The following PLCZ1 variants were observed in gnomAD, a reference collection of about 807,000 sequenced individuals.
The protein encoded by PLCZ1 is 1-phosphatidylinositol 4,5-bisphosphate phosphodiesterase zeta-1.
PLCZ1 carries 64 observed loss-of-function variants against 76.8 expected under a neutral mutation model. The observed-to-expected ratio is 0.83, with a 90% CI of 0.68 to 1.03. The LOEUF (loss-of-function observed/expected upper bound fraction) is 1.03. PLCZ1 is among the 50% of genes least tolerant of loss of function. PLCZ1 has a pLI of 0.00. For synonymous variants in PLCZ1, 248 were observed against 230.8 expected (o/e 1.07, Z -0.68); for missense variants, 751 against 713.7 (o/e 1.05, Z -0.60).
downstream of PLCZ1, among the ~76,000 whole-genome samples, chr12:18,682,840 C>T (rs7958579): frequency 9.8e-3 from 1,493 of 152,068 alleles, 32 homozygotes; most frequent in African/African-American, 0.034. Flanking sequence ...CACAAAAATA[C>T]GCAGTAGTGG....
chr12:18,646,650 G>A, the PLCZ1 span, among the ~76,000 whole-genome samples: 1 of 152,136 alleles, frequency 6.6e-6, no homozygotes, highest in Non-Finnish European at 1.5e-5. Flanking sequence ...GGCATATATT[G>A]AGAAAGTTTC....
the PLCZ1 span, among the ~76,000 whole-genome samples, chr12:18,667,815 C>T: frequency 1.3e-5 from 2 of 152,166 alleles, no homozygotes; most frequent in African/African-American, 4.8e-5. Context: ...TCTGGCTTGA[C>T]TTCAAACTCC....
chr12:18,706,154 A>T (rs2137326712), intron 6 of PLCZ1, among the ~76,000 whole-genome samples: 1 of 149,056 alleles, frequency 6.7e-6, no homozygotes, highest in Non-Finnish European at 1.5e-5. Flanking sequence ...AATTGCTTGA[A>T]CCGGGAGGTG....
chr12:18,689,326 T>A (rs1311866147), intron 12 of PLCZ1, among the ~76,000 whole-genome samples: 1 of 152,074 alleles, frequency 6.6e-6, no homozygotes, highest in Non-Finnish European at 1.5e-5. Flanking sequence ...ATATGAAAAC[T>A]GAATGAGAAT....
Position 18,732,567 on chromosome 12 carries a change from G to A in PLCZ1, c.135+3654C>T, listed in dbSNP as rs150014042. Among the ~76,000 whole-genome samples the A allele has an allele frequency of 2.9e-3, 449 of 152,234 alleles. 5 individuals carry two copies. Among genetic ancestry groups the A allele is most frequent in the African/African-American group, 9.9e-3 (412 of 41,534 alleles). Reference sequence around the variant, plus strand: ...CGGGTACTATGCTGTTCAGTAGCTCGCTGGGACTTATTTGTGCCGTATAAC... The same window carrying A: ...CGGGTACTATGCTGTTCAGTAGCTCACTGGGACTTATTTGTGCCGTATAAC... On this transcript the variant is annotated intron_variant, in intron 3 of 14. Transcript: ENST00000266505.
intron 14 of PLCZ1, chr12:18,683,570 T>C (rs1253796051): frequency 6.8e-7 from 1 of 1,474,268 alleles, no homozygotes; most frequent in Admixed American, 2.0e-5. Flanking sequence ...CGCTGCATGA[T>C]CCAAAATTAG....
intron 6 of PLCZ1, 40 bp downstream of exon 6, chr12:18,712,802 C>G (rs1158460425): frequency 6.2e-7 from 1 of 1,601,586 alleles, no homozygotes; most frequent in Non-Finnish European, 8.6e-7. Context: ...AGAATTGCTT[C>G]TGTTTAAATA....
chr12:18,711,399 G>C (rs1413064229), intron 6 of PLCZ1, among the ~76,000 whole-genome samples: 8 of 101,542 alleles, frequency 7.9e-5, no homozygotes, highest in Non-Finnish European at 1.1e-4. Context: ...TGGGGGGAGG[G>C]GGGAGGGATA....
chr12:18,716,709 A>T (rs574690380), intron 5 of PLCZ1, among the ~76,000 whole-genome samples: 6 of 152,186 alleles, frequency 3.9e-5, no homozygotes, highest in African/African-American at 1.4e-4. Context: ...ACTTTATTTC[A>T]TCTATTTATC....
intron 5 of PLCZ1, among the ~76,000 whole-genome samples, chr12:18,714,346 G>C (rs1369292197): frequency 6.6e-6 from 1 of 152,176 alleles, no homozygotes; most frequent in Non-Finnish European, 1.5e-5. Flanking sequence ...GCAATGGTTA[G>C]TGCTGTTTCT....
At chr12:18,712,375 T>G (rs1957445454) in intron 6 of PLCZ1, among the ~76,000 whole-genome samples, 1 of 152,184 alleles carries the variant, frequency 6.6e-6, no homozygotes, top group African/African-American at 2.4e-5. Flanking sequence ...TAAACATTTT[T>G]GAATCCAAAG....
At position 18,694,943 on chromosome 12, in the gene PLCZ1, T is replaced by A. The variant is rs199535742; in HGVS notation, c.1428A>T (p.Ile476=). 6.2e-7 allele frequency: 1 copy of A among 1,603,074 alleles called. No homozygotes were observed. Among genetic ancestry groups the A allele is most frequent in the East Asian group, 2.2e-5 (1 of 44,726 alleles). Residue 476 remains isoleucine (I), a synonymous_variant, in exon 12 of 15, where the codon ATA becomes ATT. Coordinates refer to ENST00000266505, the MANE Select transcript of PLCZ1 (RefSeq NM_033123.4). ...ESKSYFNPSN[I]KEGMPITLTI... is the part of the protein sequence containing the mutation. ...TAAGTGTAATTGGCATACCCTCTTT[T>A]ATGTTACTTGGGTTAAAGTATGATT... is the stretch of plus-strand genomic sequence containing the variant.
chr12:18,679,206 T>C (rs1952202894), downstream of PLCZ1, among the ~76,000 whole-genome samples: 1 of 152,048 alleles, frequency 6.6e-6, no homozygotes, highest in South Asian at 2.1e-4. Flanking sequence ...ATTCTTCATA[T>C]AGTCTGGATA....
At chr12:18,693,605 C>A (rs576538656) in intron 12 of PLCZ1, 3 of 1,573,542 alleles carry the variant, frequency 1.9e-6, no homozygotes, top group Non-Finnish European at 2.6e-6. Context: ...TGCTGAAGAA[C>A]GTGCACCGTC....
At chr12:18,727,184 TA>T (rs564574004) in intron 3 of PLCZ1, among the ~76,000 whole-genome samples, 30 of 142,964 alleles carry the variant, frequency 2.1e-4, no homozygotes, top group South Asian at 2.2e-4. Flanking sequence ...TCTCTAAATG[TA>T]AAAAAAAAAA....
At chr12:18,693,325 C>T (rs1428772136) in intron 12 of PLCZ1, 3 of 1,546,680 alleles carry the variant, frequency 1.9e-6, no homozygotes, top group Middle Eastern at 4.0e-4. Context: ...CCCCAAGAGA[C>T]CTATGCAGAT....
intron 10 of PLCZ1, among the ~76,000 whole-genome samples, chr12:18,699,483 C>T (rs889506442): frequency 6.6e-6 from 1 of 152,104 alleles, no homozygotes; most frequent in Non-Finnish European, 1.5e-5. Context: ...TTCGGCTCTG[C>T]CTCCCTCTGC....
chr12:18,682,958 A>T (rs549533488), downstream of PLCZ1, among the ~76,000 whole-genome samples: 1 of 152,168 alleles, frequency 6.6e-6, no homozygotes, highest in Non-Finnish European at 1.5e-5. Context: ...TATAAATTCT[A>T]GTAATTAAAA....
chr12:18,652,494 A>T, the PLCZ1 span, among the ~76,000 whole-genome samples: 1 of 152,176 alleles, frequency 6.6e-6, no homozygotes, highest in Non-Finnish European at 1.5e-5. Context: ...CAGCCTCCAA[A>T]GCTGTGGGGG....
Sources: allele counts gnomAD v4.1 joint callset (sites outside exome capture counted in the v4.1 genomes callset), GRCh38; gene constraint gnomAD v4.1.1; transcripts MANE v1.5; gene names NCBI Gene and HGNC (gene_info 2026-07-23, HGNC 2026-07-21).